NTN4: variants seen among roughly 807,000 people sequenced by gnomAD.
NTN4 encodes the protein netrin-4.
In NTN4, 32 loss-of-function variants were observed where a neutral mutation model predicts 73.6. The ratio of observed to expected loss-of-function variants is 0.44; its 90% CI spans 0.33 to 0.58. The LOEUF is 0.58. Among genes scored for constraint, NTN4 ranks in the 20% least tolerant of loss-of-function variants. NTN4 has a pLI of 0.04. For synonymous variants in NTN4, 258 were observed against 287.5 expected (o/e 0.90, Z 1.04); for missense variants, 654 against 798.3 (o/e 0.82, Z 2.18).
At chr12:95,758,836 G>A (rs777044363) in intron 2 of NTN4, among the ~76,000 whole-genome samples, 3 of 152,168 alleles carry the variant, frequency 2.0e-5, no homozygotes, top group Non-Finnish European at 4.4e-5. Context: ...GATTACAGTC[G>A]TGAGCCATTG....
intron 2 of NTN4, among the ~76,000 whole-genome samples, chr12:95,746,207 T>G (rs1250599049): frequency 6.6e-6 from 1 of 152,184 alleles, no homozygotes; most frequent in East Asian, 1.9e-4. Context: ...GATAAGATAC[T>G]GTGGCGAGCA....
rs538816950 is a variant in NTN4, at chr12:95,750,545, A to G, written c.586-12401T>C. Among the ~76,000 whole-genome samples the G allele has an allele frequency of 2.0e-5, 3 of 152,302 alleles. No homozygotes were observed. In the East Asian group the frequency reaches 5.8e-4, roughly 29 times the overall value. ...TGAATTTCTCCATCCTGCAAGATCT[A>G]AATAATTCTTGTCGTAAAATAGGCA... On this transcript the variant is annotated intron_variant, in intron 2 of 9. Transcript: ENST00000343702.
intron 5 of NTN4, among the ~76,000 whole-genome samples, chr12:95,697,562 TC>T (rs1162091099): frequency 2.0e-5 from 3 of 152,124 alleles, no homozygotes; most frequent in Admixed American, 1.3e-4. Context: ...TGAAATCAGT[TC>T]TTTAGATTCA....
chr12:95,787,416 AG>A lies in NTN4; in HGVS notation c.107del (p.Pro36LeufsTer35). On this transcript the variant is annotated frameshift_variant, in exon 2 of 10. Transcript: ENST00000343702. LOFTEE classifies it high-confidence loss of function. ...GCCCCAAAGCCAAATTTCCCATCCGAGGGTTGCAGGCTTTTTCACAGCGGGA... is the reference window on the plus strand; with the variant it reads ...GCCCCAAAGCCAAATTTCCCATCCGAGGTTGCAGGCTTTTTCACAGCGGGA... ...VSSRCEKACNPRMGNLALGRK... is the reference protein window; with the variant it reads ...VSSRCEKACNXRMGNLALGRK... 1 of 1,613,974 alleles carries A rather than the reference AG, an allele frequency of 6.2e-7. No homozygotes were observed. The highest frequency in any genetic ancestry group is 8.5e-7 in the Non-Finnish European group (1 of 1,180,018).
chr12:95,762,768 C>T (rs1344024330), intron 2 of NTN4, among the ~76,000 whole-genome samples: 1 of 152,174 alleles, frequency 6.6e-6, no homozygotes, highest in Non-Finnish European at 1.5e-5. Flanking sequence ...GCTGAAAGTA[C>T]AGAATTTTTC....
At chr12:95,717,254 C>T (rs74730849) in intron 3 of NTN4, among the ~76,000 whole-genome samples, 3,144 of 152,268 alleles carry the variant, frequency 0.021, 73 homozygotes, top group African/African-American at 0.058. Context: ...AAGGCCTATA[C>T]GTAATATCAC....
intron 2 of NTN4, among the ~76,000 whole-genome samples, chr12:95,755,488 T>G (rs146548858): frequency 1.6e-4 from 25 of 152,332 alleles, no homozygotes; most frequent in African/African-American, 6.0e-4. Flanking sequence ...ACTGTGCCCC[T>G]TTAAGTGAAG....
chr12:95,723,463 T>C (rs1162216770), intron 3 of NTN4, among the ~76,000 whole-genome samples: 1 of 152,194 alleles, frequency 6.6e-6, no homozygotes, highest in Non-Finnish European at 1.5e-5. Flanking sequence ...TAGAATGCAA[T>C]TGATCATTGC....
rs192869047 is a variant in NTN4, at chr12:95,735,026, C to G, written c.864+2840G>C. ...TGCACTCCAGCCTGGGCAACAAGAG[C>G]GAAACTCCATCTCAAAAAACAAAAC... is the stretch of plus-strand genomic sequence containing the variant. On this transcript the variant is annotated intron_variant, in intron 3 of 9. Transcript: ENST00000343702. 4.7e-4 allele frequency among the ~76,000 whole-genome samples: 72 copies of G among 152,134 alleles called. 1 individual carries two copies. Among genetic ancestry groups the G allele is most frequent in the African/African-American group, 1.7e-3 (70 of 41,506 alleles).
intron 3 of NTN4, among the ~76,000 whole-genome samples, chr12:95,728,153 T>C (rs1167837282): frequency 1.3e-5 from 2 of 152,214 alleles, no homozygotes; most frequent in Non-Finnish European, 2.9e-5. Context: ...TCTTGTATCT[T>C]ACAACTTGTT....
intron 6 of NTN4, 24 bp downstream of exon 6, chr12:95,683,474 A>G (rs1365387558): frequency 6.2e-7 from 1 of 1,601,274 alleles, no homozygotes; most frequent in African/African-American, 1.3e-5. Context: ...CATGCAGCTG[A>G]GAGCAAGAGC....
chr12:95,672,401 A>G (rs1390928179), intron 7 of NTN4: 8 of 1,008,306 alleles, frequency 7.9e-6, no homozygotes, highest in Admixed American at 3.4e-5. Context: ...TGAGCCCGGC[A>G]GGCCACCAGG....
chr12:95,674,513 TA>T lies in NTN4; in HGVS notation c.1511-4368del, dbSNP rs534556539. Among the ~76,000 whole-genome samples the T allele has an allele frequency of 1.6e-3, 231 of 145,602 alleles. 2 individuals are homozygous for T. The highest frequency in any genetic ancestry group is 2.9e-3 in the African/African-American group (115 of 39,996). On this transcript the variant is annotated intron_variant, in intron 7 of 9. Transcript: ENST00000343702. ...TAGTTATGCTAGGTTATTAGGACAT[TA>T]AAAAAAAAAAGAGCATTGTTTACAG...
chr12:95,759,960 A>G (rs2078975116), intron 2 of NTN4, among the ~76,000 whole-genome samples: 1 of 152,010 alleles, frequency 6.6e-6, no homozygotes, highest in Non-Finnish European at 1.5e-5. Flanking sequence ...GTTCTTATTC[A>G]TCAATTTTTC....
Position 95,701,255 on chromosome 12 carries a change from A to G in NTN4, c.1180+9186T>C, listed in dbSNP as rs181468585. Among the ~76,000 whole-genome samples, 120 of 152,356 alleles carry G rather than the reference A, an allele frequency of 7.9e-4. 1 individual carries two copies. The highest frequency in any genetic ancestry group is 2.8e-3 in the African/African-American group (115 of 41,584). ...TTGAACAGAGAGATGAGATTCCTCA[A>G]AGTACCTCAGTACACAGTGAGAATT... On this transcript the variant is annotated intron_variant, in intron 5 of 9. Coordinates refer to ENST00000343702, the MANE Select transcript of NTN4 (RefSeq NM_021229.4).
chr12:95,713,682 C>T (rs773640474), intron 3 of NTN4, among the ~76,000 whole-genome samples: 55 of 152,104 alleles, frequency 3.6e-4, no homozygotes, highest in Admixed American at 2.8e-3. Context: ...AACATACCTT[C>T]ATTCTAGAAA....
intron 3 of NTN4, among the ~76,000 whole-genome samples, chr12:95,724,507 G>A (rs4600288): frequency 0.36 from 54,018 of 152,084 alleles, 11,314 homozygotes; most frequent in Non-Finnish European, 0.47. Context: ...AATAAAGTAA[G>A]GCACTCTGAT....
intron 7 of NTN4, among the ~76,000 whole-genome samples, chr12:95,676,297 G>A (rs1020919120): frequency 2.0e-5 from 3 of 151,974 alleles, no homozygotes; most frequent in African/African-American, 4.8e-5. Flanking sequence ...AGTAGAGACG[G>A]GGTTTTGTCA....
At chr12:95,766,950 A>C (rs1341684419) in intron 2 of NTN4, among the ~76,000 whole-genome samples, 1 of 152,182 alleles carries the variant, frequency 6.6e-6, no homozygotes, top group Non-Finnish European at 1.5e-5. Context: ...AAAAGGAATT[A>C]ATATTTATCA....
Sources: allele counts gnomAD v4.1 joint callset (sites outside exome capture counted in the v4.1 genomes callset), GRCh38; gene constraint gnomAD v4.1.1; transcripts MANE v1.5; gene names NCBI Gene and HGNC (gene_info 2026-07-23, HGNC 2026-07-21).